ARHGEF33: variants seen among roughly 807,000 people sequenced by gnomAD.
ARHGEF33 encodes DH and coiled-coil domain-containing protein ENSP00000381780.
ARHGEF33 carries 72 observed loss-of-function variants against 101.9 expected under a neutral mutation model. The observed-to-expected ratio is 0.71, with a 90% confidence interval of 0.58 to 0.86. The LOEUF (loss-of-function observed/expected upper bound fraction) is 0.86. ARHGEF33 is among the 40% of genes least tolerant of loss of function. The pLI, the probability that ARHGEF33 is intolerant of heterozygous loss-of-function variation, is 0.00. For synonymous variants in ARHGEF33, 499 were observed against 442.5 expected (o/e 1.13, Z -1.60); for missense variants, 1,169 against 1,111.3 (o/e 1.05, Z -0.74).
At chr2:38,905,642 C>A (rs1166559175) in intron 2 of ARHGEF33, among the ~76,000 whole-genome samples, 4 of 152,208 alleles carry the variant, frequency 2.6e-5, no homozygotes, top group Non-Finnish European at 5.9e-5. Flanking sequence ...GCCTTCCTGA[C>A]TCTTTGAGGA....
intron 9 of ARHGEF33, among the ~76,000 whole-genome samples, chr2:38,940,296 T>C (rs566084535): frequency 7.7e-4 from 117 of 152,286 alleles, no homozygotes; most frequent in Non-Finnish European, 1.6e-3. Context: ...TTTATTTTTA[T>C]CCATTTAGTT....
At chr2:38,973,628 A>T in intron 17 of ARHGEF33, 86 bp from the exon 18 acceptor site, 2 of 1,356,282 alleles carry the variant, frequency 1.5e-6, no homozygotes, top group East Asian at 2.9e-5. Context: ...TGTTTTACAA[A>T]TGCAAAACAA....
chr2:38,901,340 C>T (rs1666232854), intron 2 of ARHGEF33, among the ~76,000 whole-genome samples: 1 of 152,200 alleles, frequency 6.6e-6, no homozygotes, highest in Non-Finnish European at 1.5e-5. Flanking sequence ...CCCGCTCTAA[C>T]ACCAACTTTA....
At chr2:38,922,651 G>A (rs1666784560) in intron 4 of ARHGEF33, among the ~76,000 whole-genome samples, 1 of 152,190 alleles carries the variant, frequency 6.6e-6, no homozygotes, top group Admixed American at 6.5e-5. Flanking sequence ...CCTCATGGCA[G>A]ATTAAACAGA....
chr2:38,940,158 A>G (rs996499154), intron 9 of ARHGEF33, among the ~76,000 whole-genome samples: 5 of 152,222 alleles, frequency 3.3e-5, no homozygotes, highest in African/African-American at 1.2e-4. Context: ...GGTAATTGAC[A>G]TCTTGACAGT....
intron 6 of ARHGEF33, among the ~76,000 whole-genome samples, chr2:38,930,066 G>A (rs1033451067): frequency 1.3e-5 from 2 of 152,186 alleles, no homozygotes; most frequent in Middle Eastern, 3.2e-3. Context: ...ACATAAAATG[G>A]CATGAATGCT....
chr2:38,919,792 T>C (rs1467034911), intron 3 of ARHGEF33, among the ~76,000 whole-genome samples: 1 of 152,210 alleles, frequency 6.6e-6, no homozygotes, highest in Non-Finnish European at 1.5e-5. Flanking sequence ...ATAAATGCTT[T>C]CTCTTTTAAT....
chr2:38,924,567 T>C (rs188199515), intron 4 of ARHGEF33, among the ~76,000 whole-genome samples: 56 of 152,348 alleles, frequency 3.7e-4, no homozygotes, highest in Admixed American at 2.2e-3. Context: ...TTAAGCTCAC[T>C]TGTAGCCTTA....
chr2:38,893,105 C>T (rs1412124636), intron 1 of ARHGEF33, among the ~76,000 whole-genome samples: 5 of 152,070 alleles, frequency 3.3e-5, no homozygotes, highest in South Asian at 2.1e-4. Flanking sequence ...CTTCTTTGCT[C>T]CCTAGGGTTC....
chr2:38,962,752 C>T (rs140379449), intron 16 of ARHGEF33, among the ~76,000 whole-genome samples: 71 of 150,876 alleles, frequency 4.7e-4, no homozygotes, highest in Middle Eastern at 6.9e-3. Context: ...CGGTGGCTCA[C>T]GCCCGTAATC....
Position 38,937,328 on chromosome 2 carries a change from C to A in ARHGEF33, c.566-7C>A. Reference sequence around the variant, plus strand: ...TTGTTTCCCCGCCCCTCCCCCCACCCCACCAGGAGTGAACCCAACAACTCC... The same window carrying A: ...TTGTTTCCCCGCCCCTCCCCCCACCACACCAGGAGTGAACCCAACAACTCC... On this transcript the variant is annotated splice_region_variant and splice_polypyrimidine_tract_variant and intron_variant, in intron 8 of 17. Coordinates refer to ENST00000409978, the MANE Select transcript of ARHGEF33 (RefSeq NM_001145451.5). 5 of 477,622 alleles carry A rather than the reference C, an allele frequency of 1.0e-5. No individual in the cohort carries two copies. The highest frequency in any genetic ancestry group is 4.3e-5 in the South Asian group (2 of 46,452). The allele number at this position is 477,622 out of a possible 1,614,324, so 29.6% of individuals were successfully genotyped here. A position where few individuals can be genotyped will look rare whatever the true frequency, so the allele number is the denominator to read the frequency against.
chr2:38,905,907 C>T (rs1361093376), intron 2 of ARHGEF33, among the ~76,000 whole-genome samples: 1 of 152,146 alleles, frequency 6.6e-6, no homozygotes, highest in Non-Finnish European at 1.5e-5. Flanking sequence ...CTAGAATAGA[C>T]TTCAAGTGAG....
chr2:38,913,424 C>T (rs1429529815), intron 2 of ARHGEF33, among the ~76,000 whole-genome samples: 1 of 151,968 alleles, frequency 6.6e-6, no homozygotes, highest in African/African-American at 2.4e-5. Context: ...TGAAAAACTT[C>T]CAATTCGTTA....
intron 2 of ARHGEF33, among the ~76,000 whole-genome samples, chr2:38,912,444 A>G (rs919673238): frequency 6.6e-6 from 1 of 152,168 alleles, no homozygotes; most frequent in Non-Finnish European, 1.5e-5. Flanking sequence ...TTTCTGTGTA[A>G]TCCTGTTATT....
chr2:38,969,961 T>C (rs1243706375), intron 17 of ARHGEF33, among the ~76,000 whole-genome samples: 1 of 152,222 alleles, frequency 6.6e-6, no homozygotes, highest in Non-Finnish European at 1.5e-5. Flanking sequence ...ATATACATCT[T>C]GCAACACTTA....
chr2:38,956,577 A>G (rs1363788395), intron 13 of ARHGEF33, among the ~76,000 whole-genome samples: 2 of 152,198 alleles, frequency 1.3e-5, no homozygotes, highest in Non-Finnish European at 2.9e-5. Context: ...GAGTTAAGGC[A>G]CTACTTATAG....
At chr2:38,960,777 C>G (rs1275919392) in intron 16 of ARHGEF33, 129 bp downstream of exon 16, 9 of 777,598 alleles carry the variant, frequency 1.2e-5, no homozygotes, top group Non-Finnish European at 1.3e-5. Context: ...CTGCGCGAGC[C>G]GTCGGCGGGT....
intron 10 of ARHGEF33, among the ~76,000 whole-genome samples, chr2:38,945,652 G>A (rs1667428326): frequency 6.6e-6 from 1 of 152,228 alleles, no homozygotes; most frequent in African/African-American, 2.4e-5. Flanking sequence ...ATCTAAAGGC[G>A]GTGTACCCTT....
intron 4 of ARHGEF33, among the ~76,000 whole-genome samples, chr2:38,924,408 C>G (rs1666828393): frequency 6.6e-6 from 1 of 152,092 alleles, no homozygotes; most frequent in South Asian, 2.1e-4. Flanking sequence ...TTGTTTCACC[C>G]TAGATTACTT....
Sources: gnomAD v4.1 joint callset for allele counts (sites outside exome capture counted in the v4.1 genomes callset) on GRCh38, gnomAD v4.1.1 for gene constraint, MANE v1.5 for transcripts, NCBI Gene and HGNC (gene_info 2026-07-23, HGNC 2026-07-21) for gene names.